The following AGBL1 variants were observed in gnomAD, a reference collection of about 807,000 sequenced individuals.
AGBL1 encodes cytosolic carboxypeptidase 4.
AGBL1 carries 130 observed loss-of-function variants against 118.9 expected under a neutral mutation model. That is an observed-to-expected ratio of 1.09 (90% confidence interval 0.95 to 1.26). AGBL1 has a LOEUF of 1.26. Among genes scored for constraint, AGBL1 ranks in the 50% most tolerant of loss-of-function variants. The probability of loss-of-function intolerance (pLI) is 0.00; values close to 1 mark genes in which losing one functional copy is unlikely to be tolerated. For missense variants in AGBL1, 1,584 were observed against 1,298.1 expected, an observed-to-expected ratio of 1.22 and a Z score of -3.38; for synonymous variants, 555 against 478.9, an observed-to-expected ratio of 1.16 and a Z score of -2.08.
Position 86,974,092 on chromosome 15 carries a change from T to G in AGBL1, c.3222-13895T>G, listed in dbSNP as rs188234336. Among the ~76,000 whole-genome samples the G allele has an allele frequency of 6.8e-3, 515 of 76,146 alleles. 5 individuals are homozygous for G. Among genetic ancestry groups the G allele is most frequent in the African/African-American group, 0.025 (481 of 19,022 alleles). 50.0% of individuals were successfully genotyped at this position (76,146 alleles called of 152,430 possible). A position where few individuals can be genotyped will look rare whatever the true frequency, so the allele number is the denominator to read the frequency against. ...TATTAAATATAAACATTTTAATATA[T>G]TAAATATAAACATTTTAATATATTA... On this transcript the variant is annotated intron_variant, in intron 23 of 24. Transcript: ENST00000441037.
rs2079319225 is a variant in AGBL1 at position 86,279,777 on chromosome 15, C to A, written c.2214C>A (p.Ala738=). 6.2e-7 allele frequency: 1 copy of A among 1,613,690 alleles called. No individual in the cohort carries two copies. The highest frequency in any genetic ancestry group is 1.7e-5 in the Admixed American group (1 of 60,022). Residue 738 remains alanine, a synonymous_variant, in exon 16 of 23, where the codon GCC becomes GCA. Coordinates refer to ENST00000614907, the MANE Select transcript of AGBL1 (RefSeq NM_001386094.1). ...ACCACTATCCCTATACCTACACAGC[C>A]CTCATGGTAACTTCCTCTTTATAGC... ...LAYHYPYTYT[A]LMTHLDILEK... is the part of the protein sequence containing the mutation.
In AGBL1 at chr15:86,257,946, C is replaced by T. The variant is rs774247398; in HGVS notation, c.902-18C>T. On this transcript the variant is annotated intron_variant, in intron 8 of 22. Transcript: ENST00000614907. Reference sequence around the variant, plus strand: ...AAAGGGGAAACTTCACTTATTTCACCTCTTTTTCCCCATCCAGAGGATTTT... The same window carrying T: ...AAAGGGGAAACTTCACTTATTTCACTTCTTTTTCCCCATCCAGAGGATTTT... 4 of 1,611,118 alleles carry T rather than the reference C, an allele frequency of 2.5e-6. No individual in the cohort carries two copies. Among genetic ancestry groups the T allele is most frequent in the South Asian group, 1.1e-5 (1 of 90,506 alleles).
chr15:86,914,815 A>G lies in AGBL1; in HGVS notation c.*7521A>G, dbSNP rs1435424062. ...ACCCCTAAGGGCCCTCTGAGAGGTT[A>G]TGGAGCAAGTCTCCATTTCTAGGAA... On this transcript the variant is annotated 3_prime_UTR_variant, in exon 23 of 23. Coordinates refer to ENST00000614907, the MANE Select transcript of AGBL1 (RefSeq NM_001386094.1). 1.3e-5 allele frequency: 2 copies of G among 152,186 alleles called. No homozygotes were observed. The highest frequency in any genetic ancestry group is 2.9e-5 in the Non-Finnish European group (2 of 68,030). 9.4% of individuals were successfully genotyped at this position (152,186 alleles called of 1,614,324 possible).
chr15:86,441,243 A>G (rs565512359), intron 18 of AGBL1, among the ~76,000 whole-genome samples: 42 of 152,320 alleles, frequency 2.8e-4, no homozygotes, highest in African/African-American at 8.9e-4. Flanking sequence ...GGATATAATT[A>G]TCACTTGTTG....
At chr15:86,892,858 G>T (rs2080070585) in intron 22 of AGBL1, among the ~76,000 whole-genome samples, 1 of 152,120 alleles carries the variant, frequency 6.6e-6, no homozygotes, top group Non-Finnish European at 1.5e-5. Flanking sequence ...AAACCCTAGG[G>T]AACCATGCTA....
intron 10 of AGBL1, among the ~76,000 whole-genome samples, chr15:86,263,200 A>G (rs748965957): frequency 1.3e-5 from 2 of 152,250 alleles, no homozygotes; most frequent in Admixed American, 6.5e-5. Context: ...TGATGGTCCC[A>G]TAAGATTATA....
At chr15:86,316,196 A>G (rs570149738) in intron 17 of AGBL1, among the ~76,000 whole-genome samples, 21 of 152,326 alleles carry the variant, frequency 1.4e-4, no homozygotes, top group African/African-American at 5.1e-4. Flanking sequence ...GTTTAGAGGA[A>G]GTTACAGGGG....
At chr15:87,016,824 G>T (rs2081611826) in intron 24 of AGBL1, among the ~76,000 whole-genome samples, 1 of 152,238 alleles carries the variant, frequency 6.6e-6, no homozygotes, top group South Asian at 2.1e-4. Flanking sequence ...ACAGATCTTT[G>T]CAACCAGCAG....
At chr15:86,895,901 A>AT (rs1164637216) in intron 22 of AGBL1, among the ~76,000 whole-genome samples, 1 of 151,400 alleles carries the variant, frequency 6.6e-6, no homozygotes, top group South Asian at 2.1e-4. Context: ...TATATTTCCT[A>AT]TTTTTTTCTG....
In AGBL1 at chr15:86,094,764, A is replaced by G. The variant is rs181831031; in HGVS notation, c.51+14741A>G. Reference sequence around the variant, plus strand: ...TATGATCTGTTTGTATCAATATAGCACTTCTGATATCAAATGTGTGAGGTG... The same window carrying G: ...TATGATCTGTTTGTATCAATATAGCGCTTCTGATATCAAATGTGTGAGGTG... On this transcript the variant is annotated intron_variant, in intron 1 of 22. Coordinates refer to ENST00000614907, the MANE Select transcript of AGBL1 (RefSeq NM_001386094.1). 1.0e-3 allele frequency among the ~76,000 whole-genome samples: 152 copies of G among 152,300 alleles called. 1 individual carries two copies. Among genetic ancestry groups the G allele is most frequent in the African/African-American group, 3.6e-3 (148 of 41,570 alleles).
downstream of AGBL1, among the ~76,000 whole-genome samples, chr15:87,029,446 T>C (rs2081765370): frequency 6.6e-6 from 1 of 151,970 alleles, no homozygotes; most frequent in East Asian, 2.0e-4. Flanking sequence ...CTTTATTCTT[T>C]GCATTTTTCT....
chr15:87,011,225 T>C (rs1173624201), intron 24 of AGBL1, among the ~76,000 whole-genome samples: 1 of 152,218 alleles, frequency 6.6e-6, no homozygotes, highest in Non-Finnish European at 1.5e-5. Context: ...TAACTGTGTA[T>C]TGAAGGAGAC....
intron 21 of AGBL1, among the ~76,000 whole-genome samples, chr15:86,614,081 T>C (rs2084691561): frequency 6.6e-6 from 1 of 152,190 alleles, no homozygotes; most frequent in Non-Finnish European, 1.5e-5. Flanking sequence ...CAGAACTAGT[T>C]AGCTGGCTCT....
intron 5 of AGBL1, among the ~76,000 whole-genome samples, chr15:86,212,605 T>A (rs914010920): frequency 6.6e-6 from 1 of 152,202 alleles, no homozygotes; most frequent in Non-Finnish European, 1.5e-5. Context: ...TTGAACTTCA[T>A]TGGTACTAAA....
At chr15:86,169,597 C>T (rs2077387571) in intron 5 of AGBL1, among the ~76,000 whole-genome samples, 1 of 152,178 alleles carries the variant, frequency 6.6e-6, no homozygotes, top group Non-Finnish European at 1.5e-5. Flanking sequence ...TGCACTTCCT[C>T]CTGTATACTT....
intron 22 of AGBL1, among the ~76,000 whole-genome samples, chr15:86,858,966 A>T (rs144386333): frequency 6.6e-6 from 1 of 152,162 alleles, no homozygotes; most frequent in Admixed American, 6.5e-5. Flanking sequence ...TAGAACCTCA[A>T]AAAAGGCTAC....
Position 86,613,640 on chromosome 15 carries a change from G to T in AGBL1, c.2994+59103G>T, listed in dbSNP as rs1275613550. 2.0e-5 allele frequency among the ~76,000 whole-genome samples: 3 copies of T among 152,150 alleles called. No individual in the cohort carries two copies. Among genetic ancestry groups the T allele is most frequent in the Non-Finnish European group, 4.4e-5 (3 of 68,034 alleles). ...GAGTACTTACCAGCTACCTAAAGAA[G>T]GCATGACGTTTCCCAGAAAGAGGGC... On this transcript the variant is annotated intron_variant, in intron 21 of 22. Transcript: ENST00000614907. This position sits in a 1 kb window ranked among gnomAD's most constrained non-coding sequence, Gnocchi z 4.2.
intron 23 of AGBL1, among the ~76,000 whole-genome samples, chr15:86,926,696 G>C (rs997802697): frequency 6.6e-6 from 1 of 152,186 alleles, no homozygotes; most frequent in African/African-American, 2.4e-5. Context: ...TTTTACAAAA[G>C]CAGTGCTAAT....
intron 18 of AGBL1, among the ~76,000 whole-genome samples, chr15:86,475,362 T>C (rs998266978): frequency 3.3e-5 from 5 of 151,964 alleles, no homozygotes; most frequent in Admixed American, 6.5e-5. Context: ...GAATAACCAG[T>C]GTAGAGAAGT....
Sources: allele counts gnomAD v4.1 joint callset (sites outside exome capture counted in the v4.1 genomes callset), GRCh38; gene constraint gnomAD v4.1.1; non-coding constraint Gnocchi (gnomAD v3.1); transcripts MANE v1.5; gene names NCBI Gene and HGNC (gene_info 2026-07-23, HGNC 2026-07-21).